HTR7: variants seen among roughly 807,000 people sequenced by gnomAD.
HTR7 encodes 5-HT-7.
HTR7 carries 16 observed loss-of-function variants against 34.0 expected under a neutral mutation model. The ratio of observed to expected loss-of-function variants is 0.47; its 90% CI spans 0.32 to 0.71. The LOEUF (loss-of-function observed/expected upper bound fraction) is 0.71, where lower values mean the gene tolerates loss of function less well. Ranked by LOEUF, HTR7 falls within the 30% of genes least tolerant of loss-of-function variation. HTR7 has a pLI of 0.04. For missense variants in HTR7, 504 were observed against 625.5 expected (o/e 0.81, Z 2.07); for synonymous variants, 265 against 260.2 (o/e 1.02, Z -0.18).
At chr10:90,751,190 AC>A (rs926538313) in intron 1 of HTR7, among the ~76,000 whole-genome samples, 1 of 152,140 alleles carries the variant, frequency 6.6e-6, no homozygotes, top group African/African-American at 2.4e-5. Context: ...TGGCTCCCAA[AC>A]AGAATGAGGG....
chr10:90,752,239 A>G (rs1844750423), intron 1 of HTR7, among the ~76,000 whole-genome samples: 1 of 152,238 alleles, frequency 6.6e-6, no homozygotes, highest in African/African-American at 2.4e-5. Flanking sequence ...TATAAAATAA[A>G]TAAACAAAAG....
chr10:90,842,850 G>A (rs1481113587), intron 1 of HTR7, among the ~76,000 whole-genome samples: 1 of 152,114 alleles, frequency 6.6e-6, no homozygotes, highest in Non-Finnish European at 1.5e-5. Flanking sequence ...ATCACTGGCA[G>A]CTTTGCTAAT....
chr10:90,797,023 A>G (rs1845550677), intron 1 of HTR7, among the ~76,000 whole-genome samples: 1 of 152,072 alleles, frequency 6.6e-6, no homozygotes, highest in African/African-American at 2.4e-5. Context: ...AAAAAAAAAA[A>G]AAACCGACAA....
At chr10:90,777,600 T>C (rs1438908159) in intron 1 of HTR7, among the ~76,000 whole-genome samples, 1 of 152,180 alleles carries the variant, frequency 6.6e-6, no homozygotes, top group Non-Finnish European at 1.5e-5. Context: ...TCTGTCCATT[T>C]TTAAGAACTT....
intron 1 of HTR7, among the ~76,000 whole-genome samples, chr10:90,794,714 G>A (rs897654803): frequency 6.6e-6 from 1 of 151,998 alleles, no homozygotes; most frequent in African/African-American, 2.4e-5. Context: ...TGTTGCCTAA[G>A]CTGATCTCAA....
At position 90,821,531 on chromosome 10, in the gene HTR7, T is replaced by C. The variant is rs560462283; in HGVS notation, c.539+35602A>G. Among the ~76,000 whole-genome samples, 43 of 152,232 alleles carry C rather than the reference T, an allele frequency of 2.8e-4. No individual in the cohort carries two copies. The South Asian group carries it at 8.5e-3, about 30-fold the overall frequency. On this transcript the variant is annotated intron_variant, in intron 1 of 3. Transcript: ENST00000336152. The stretch of plus-strand genomic sequence containing the variant: ...CACTGCAGGCTAAGGTGCTCTGGGG[T>C]CTTAAACAAATTAGAAAGGCAGTCT...
At position 90,857,815 on chromosome 10, in the gene HTR7, T is replaced by C; in HGVS notation, c.-144A>G. On this transcript the variant is annotated 5_prime_UTR_variant, in exon 1 of 4. Coordinates refer to ENST00000336152, the MANE Select transcript of HTR7 (RefSeq NM_019859.4). This position sits in a 1 kb window ranked among gnomAD's most constrained non-coding sequence, Gnocchi z 6.5. The stretch of plus-strand genomic sequence containing the variant: ...CCGACCGCTGGGGGGCGCCTGGCTC[T>C]GTCTCGGAGCCCCGCACTCCCCGGA... 1 of 764,864 alleles carries C rather than the reference T, an allele frequency of 1.3e-6. No individual in the cohort carries two copies. 47.4% of individuals were successfully genotyped at this position (764,864 alleles called of 1,614,324 possible).
intron 1 of HTR7, among the ~76,000 whole-genome samples, chr10:90,822,681 C>T (rs1206760577): frequency 2.0e-5 from 3 of 152,188 alleles, no homozygotes; most frequent in Non-Finnish European, 2.9e-5. Flanking sequence ...GGGGAATATG[C>T]CCCTAGGGCA....
At chr10:90,753,933 G>A (rs1844785923) in intron 1 of HTR7, among the ~76,000 whole-genome samples, 1 of 151,964 alleles carries the variant, frequency 6.6e-6, no homozygotes, top group African/African-American at 2.4e-5. Flanking sequence ...GCATGTCTGT[G>A]TATGCTCAGA....
At chr10:90,742,585 T>A in intron 3 of HTR7, 57 bp from the exon 4 acceptor site, 5 of 1,270,100 alleles carry the variant, frequency 3.9e-6, no homozygotes, top group Non-Finnish European at 5.6e-6. Flanking sequence ...AAATGTGAGT[T>A]TTCATTTTGT....
At chr10:90,751,074 A>G (rs1045162586) in intron 1 of HTR7, among the ~76,000 whole-genome samples, 4 of 152,206 alleles carry the variant, frequency 2.6e-5, no homozygotes, top group African/African-American at 9.6e-5. Context: ...CCAGGCGTTC[A>G]TGACGCTGGT....
At chr10:90,813,264 A>G (rs1039608619) in intron 1 of HTR7, among the ~76,000 whole-genome samples, 2 of 152,138 alleles carry the variant, frequency 1.3e-5, no homozygotes, top group African/African-American at 4.8e-5. Flanking sequence ...CATGAAACCT[A>G]TAATACCAGC....
intron 1 of HTR7, among the ~76,000 whole-genome samples, chr10:90,809,676 C>A (rs1450363215): frequency 6.6e-6 from 1 of 152,218 alleles, no homozygotes; most frequent in African/African-American, 2.4e-5. Context: ...TCCTCCAGAA[C>A]CTCCTCTGCC....
chr10:90,749,566 A>T lies in HTR7; in HGVS notation c.568T>A (p.Tyr190Asn). The T allele has an allele frequency of 6.2e-7, 1 of 1,612,882 alleles. No homozygotes were observed. Among genetic ancestry groups the T allele is most frequent in the Middle Eastern group, 1.7e-4 (1 of 6,056 alleles). ...RYLGITRPLT[Y>N]PVRQNGKCMA... Reference sequence around the variant, plus strand: ...CATTTCCCATTCTGCCTCACAGGGTATGTGAGGGGCCTTGTGATCCCAAGG... The same window carrying T: ...CATTTCCCATTCTGCCTCACAGGGTTTGTGAGGGGCCTTGTGATCCCAAGG... Residue 190 changes from tyrosine to asparagine, a missense_variant, in exon 2 of 4, where the codon TAC becomes AAC. Transcript: ENST00000336152. This position sits in a 1 kb window ranked among gnomAD's most constrained non-coding sequence, Gnocchi z 4.2.
At chr10:90,836,860 A>G (rs1281150201) in intron 1 of HTR7, among the ~76,000 whole-genome samples, 1 of 152,206 alleles carries the variant, frequency 6.6e-6, no homozygotes, top group Admixed American at 6.5e-5. Context: ...TGATATTTCT[A>G]TCATCATGAG....
chr10:90,821,852 A>T (rs928420836), intron 1 of HTR7, among the ~76,000 whole-genome samples: 14 of 149,708 alleles, frequency 9.4e-5, no homozygotes, highest in African/African-American at 3.5e-4. Context: ...CTCCCCCTTC[A>T]CTCTCTCTCT....
rs185225720 is a variant in HTR7 at position 90,753,293 on chromosome 10, A to G, written c.540-3699T>C. On this transcript the variant is annotated intron_variant, in intron 1 of 3. Transcript: ENST00000336152. ...ATGCCTATAATCCCAGCACTTTGGG[A>G]GGCCAAGGTGGAAGGATCACTTGAG... Among the ~76,000 whole-genome samples, 286 of 152,320 alleles carry G rather than the reference A, an allele frequency of 1.9e-3. 1 individual carries two copies. The highest frequency in any genetic ancestry group is 3.6e-3 in the Non-Finnish European group (242 of 68,024).
At chr10:90,856,706 T>C (rs1284526815) in intron 1 of HTR7, among the ~76,000 whole-genome samples, 1 of 145,138 alleles carries the variant, frequency 6.9e-6, no homozygotes, top group African/African-American at 2.7e-5. Flanking sequence ...GCCTAGGGAG[T>C]AGCTCCCACA....
Position 90,853,284 on chromosome 10 carries a change from TTTC to T in HTR7, c.539+3846_539+3848del, listed in dbSNP as rs1341907332. On this transcript the variant is annotated intron_variant, in intron 1 of 3. Transcript: ENST00000336152. ...AAAAAGTAATTTGATTTCTTTTTTT[TTTC>T]TTTTTTTTTTTTTTTTAAGACAGTG... 8.2e-5 allele frequency among the ~76,000 whole-genome samples: 11 copies of T among 134,712 alleles called. 1 individual carries two copies. The highest frequency in any genetic ancestry group is 1.5e-4 in the Admixed American group (2 of 13,682). 88.4% of individuals were successfully genotyped at this position (134,712 alleles called of 152,430 possible).
Sources: allele counts gnomAD v4.1 joint callset (sites outside exome capture counted in the v4.1 genomes callset), GRCh38; gene constraint gnomAD v4.1.1; non-coding constraint Gnocchi (gnomAD v3.1); transcripts MANE v1.5; gene names NCBI Gene and HGNC (gene_info 2026-07-23, HGNC 2026-07-21).